TM2D1: variants seen among roughly 807,000 people sequenced by gnomAD.
TM2D1 encodes the protein TM2 domain containing 1.
TM2D1 carries 15 observed loss-of-function variants against 28.4 expected under a neutral mutation model. The ratio of observed to expected loss-of-function variants is 0.53; its 90% CI spans 0.35 to 0.81. The LOEUF is 0.81. Among genes scored for constraint, TM2D1 ranks in the 40% least tolerant of loss-of-function variants. The pLI is 0.01. For missense variants in TM2D1, 236 were observed against 254.9 expected (o/e 0.93, Z 0.50); for synonymous variants, 93 against 96.2 (o/e 0.97, Z 0.20).
At chr1:61,703,553 C>CA (rs913041237) in intron 3 of TM2D1, among the ~76,000 whole-genome samples, 2 of 147,144 alleles carry the variant, frequency 1.4e-5, no homozygotes, top group African/African-American at 5.0e-5. Context: ...GCTGGGATTA[C>CA]AGGCATGTGC....
At chr1:61,683,250 T>C in intron 6 of TM2D1, 167 bp downstream of exon 6, 1 of 297,120 alleles carries the variant, frequency 3.4e-6, no homozygotes, top group Non-Finnish European at 6.2e-6. Context: ...GAAGGAGCCA[T>C]GAGCGTGGAC....
chr1:61,719,427 G>A (rs1289951440), intron 2 of TM2D1, among the ~76,000 whole-genome samples: 2 of 152,048 alleles, frequency 1.3e-5, no homozygotes, highest in Admixed American at 6.6e-5. Flanking sequence ...GAGAGAGAGA[G>A]AGAGAGTATG....
At chr1:61,705,343 G>A (rs2051135) in intron 3 of TM2D1, among the ~76,000 whole-genome samples, 26,790 of 151,796 alleles carry the variant, frequency 0.18, 2,977 homozygotes, top group Non-Finnish European at 0.25. Flanking sequence ...GCACCACCAT[G>A]CCCAGCTAAT....
chr1:61,690,789 A>G (rs928691057), intron 5 of TM2D1, among the ~76,000 whole-genome samples: 1 of 152,232 alleles, frequency 6.6e-6, no homozygotes, highest in Non-Finnish European at 1.5e-5. Flanking sequence ...GTTAAAAACT[A>G]ATACAAAGCA....
rs780227221 is a variant in TM2D1 at position 61,723,703 on chromosome 1, G to A, written c.238+10C>T. ...AATTATTTTTAAAGACATGTTTCTT[G>A]AAGTCTTACCATGAGCTGTGTAGTT... is the stretch of plus-strand genomic sequence containing the variant. On this transcript the variant is annotated intron_variant, in intron 2 of 6. Transcript: ENST00000606498. The A allele has an allele frequency of 7.0e-7, 1 of 1,432,910 alleles. No individual in the cohort carries two copies. Among genetic ancestry groups the A allele is most frequent in the Admixed American group, 2.2e-5 (1 of 45,812 alleles). The allele number at this position is 1,432,910 out of a possible 1,614,324, so 88.8% of individuals were successfully genotyped here.
intron 2 of TM2D1, among the ~76,000 whole-genome samples, chr1:61,716,505 A>G (rs1306188542): frequency 2.7e-5 from 4 of 145,694 alleles, no homozygotes; most frequent in Non-Finnish European, 6.0e-5. Flanking sequence ...AATTATATAT[A>G]ATTTTATATA....
chr1:61,684,462 T>C (rs765462382), intron 5 of TM2D1, among the ~76,000 whole-genome samples: 16 of 152,294 alleles, frequency 1.1e-4, no homozygotes, highest in Non-Finnish European at 1.9e-4. Context: ...CCGAGTCTTA[T>C]GATGGCATAT....
intron 5 of TM2D1, among the ~76,000 whole-genome samples, chr1:61,693,177 A>T (rs534174175): frequency 6.6e-6 from 1 of 152,240 alleles, no homozygotes; most frequent in East Asian, 1.9e-4. Flanking sequence ...GCAGAGGTTG[A>T]CAGTGATCTG....
intron 2 of TM2D1, among the ~76,000 whole-genome samples, chr1:61,715,446 G>A (rs1212143430): frequency 6.6e-6 from 1 of 151,630 alleles, no homozygotes; most frequent in Non-Finnish European, 1.5e-5. Flanking sequence ...CCAGGAATTC[G>A]AGACCAGCCT....
rs143761224 is a variant in TM2D1, at chr1:61,697,208, GAGTAAGATATGCTGTAAGTCACTGTA to G, written c.440-2464_440-2439del. Among the ~76,000 whole-genome samples the G allele has an allele frequency of 3.6e-3, 548 of 152,212 alleles. 2 individuals are homozygous for G. The highest frequency in any genetic ancestry group is 0.013 in the African/African-American group (525 of 41,516). On this transcript the variant is annotated intron_variant, in intron 4 of 6. Transcript: ENST00000606498. ...GACCATAGTTAACATCACACGTTTG[GAGTAAGATATGCTGTAAGTCACTGTA>G]ATGATTAAACCTTCAAGTTTTTTTT... is the stretch of plus-strand genomic sequence containing the variant.
chr1:61,714,655 A>G (rs1644503879), intron 2 of TM2D1, among the ~76,000 whole-genome samples: 1 of 152,208 alleles, frequency 6.6e-6, no homozygotes, highest in South Asian at 2.1e-4. Flanking sequence ...CCTGGGCTTA[A>G]GAGACCCTCC....
chr1:61,718,185 G>A (rs771358118), intron 2 of TM2D1, among the ~76,000 whole-genome samples: 5 of 152,124 alleles, frequency 3.3e-5, no homozygotes, highest in Non-Finnish European at 7.4e-5. Flanking sequence ...TGGGCGTGGT[G>A]AGGCTAAGGT....
intron 3 of TM2D1, among the ~76,000 whole-genome samples, chr1:61,701,334 A>AAAAAAAAAT (rs1644399891): frequency 7.2e-6 from 1 of 138,356 alleles, no homozygotes; most frequent in Non-Finnish European, 1.6e-5. Flanking sequence ...AAAAAAAAAA[A>AAAAAAAAAT]AGAAGTAGAG....
intron 5 of TM2D1, among the ~76,000 whole-genome samples, chr1:61,690,402 A>G (rs1268921670): frequency 7.4e-6 from 1 of 134,938 alleles, no homozygotes; most frequent in Non-Finnish European, 1.5e-5. Context: ...GATTACAGTG[A>G]GCCGAGATTG....
intron 5 of TM2D1, among the ~76,000 whole-genome samples, chr1:61,688,257 A>C (rs543255268): frequency 3.2e-4 from 49 of 152,354 alleles, no homozygotes; most frequent in Admixed American, 7.2e-4. Context: ...ACTAAAAAAA[A>C]ATCTACCCAC....
intron 2 of TM2D1, among the ~76,000 whole-genome samples, chr1:61,720,045 T>A (rs537243304): frequency 1.3e-5 from 2 of 152,312 alleles, no homozygotes; most frequent in South Asian, 4.1e-4. Flanking sequence ...GTGAAAATCA[T>A]CTGAATTATA....
intron 4 of TM2D1, chr1:61,696,250 G>C (rs1393918627): frequency 6.6e-6 from 1 of 152,124 alleles, no homozygotes. Flanking sequence ...TTATAAAAAA[G>C]AATATTGGCC....
chr1:61,682,682 C>A (rs1187810977), intron 6 of TM2D1, among the ~76,000 whole-genome samples: 1 of 151,852 alleles, frequency 6.6e-6, no homozygotes, highest in Non-Finnish European at 1.5e-5. Context: ...GGTGGATCAC[C>A]TGAAGAGTTC....
chr1:61,706,856 A>C (rs1644445379), intron 3 of TM2D1, among the ~76,000 whole-genome samples: 1 of 151,670 alleles, frequency 6.6e-6, no homozygotes, highest in South Asian at 2.1e-4. Context: ...GAAAGAAAGA[A>C]AGAAAGAAAT....
Sources: gnomAD v4.1 joint callset for allele counts (sites outside exome capture counted in the v4.1 genomes callset) on GRCh38, gnomAD v4.1.1 for gene constraint, MANE v1.5 for transcripts, NCBI Gene and HGNC (gene_info 2026-07-23, HGNC 2026-07-21) for gene names.